NRG3: variants seen among roughly 807,000 people sequenced by gnomAD.
NRG3 encodes the protein neuregulin 3.
In NRG3, 31 loss-of-function variants were observed where a neutral mutation model predicts 66.9. The ratio of observed to expected loss-of-function variants is 0.46; its 90% confidence interval spans 0.35 to 0.63. NRG3 has a LOEUF of 0.63. Among genes scored for constraint, NRG3 ranks in the 20% least tolerant of loss-of-function variants. The pLI is 0.00. For synonymous variants in NRG3, 393 were observed against 359.4 expected (o/e 1.09, Z -1.06); for missense variants, 910 against 878.9 (o/e 1.04, Z -0.45).
At chr10:82,192,972 TGAGAGA>T (rs5786538) in intron 1 of NRG3, among the ~76,000 whole-genome samples, 14 of 139,764 alleles carry the variant, frequency 1.0e-4, no homozygotes, top group South Asian at 4.5e-4. Context: ...AGGAAGAAAG[TGAGAGA>T]GAGAGAGAGA....
At chr10:82,465,757 C>T (rs1840611544) in intron 2 of NRG3, among the ~76,000 whole-genome samples, 1 of 152,058 alleles carries the variant, frequency 6.6e-6, no homozygotes, top group African/African-American at 2.4e-5. Flanking sequence ...CTCACGTGAC[C>T]TCTGCTCTTC....
At chr10:82,847,518 G>T (rs577255480) in intron 3 of NRG3, among the ~76,000 whole-genome samples, 22 of 152,260 alleles carry the variant, frequency 1.4e-4, no homozygotes, top group African/African-American at 5.3e-4. Flanking sequence ...GTTACTGAAA[G>T]GTACAGTCTG....
chr10:82,492,691 A>C (rs1830920642), intron 2 of NRG3, among the ~76,000 whole-genome samples: 1 of 152,234 alleles, frequency 6.6e-6, no homozygotes, highest in Non-Finnish European at 1.5e-5. Flanking sequence ...ATTGCACCAA[A>C]TTGGGCAGAG....
At chr10:82,391,983 C>G (rs574759195) in intron 2 of NRG3, among the ~76,000 whole-genome samples, 2 of 113,730 alleles carry the variant, frequency 1.8e-5, no homozygotes, top group South Asian at 5.3e-4. Flanking sequence ...AATCCTCTTT[C>G]GAGCACATGC....
chr10:82,489,576 CACAA>C lies in NRG3; in HGVS notation c.953+130712_953+130715del, dbSNP rs1345927250. On this transcript the variant is annotated intron_variant, in intron 2 of 8. Transcript: ENST00000372141. ...GTACACCCTCAACCTAAGGTATTGT[CACAA>C]ACAGGGGGCTGGAGCCTGGATTCAT... Among the ~76,000 whole-genome samples the C allele has an allele frequency of 3.3e-5, 5 of 152,208 alleles. No individual in the cohort carries two copies. The East Asian group carries it at 9.7e-4, about 29-fold the overall frequency.
intron 1 of NRG3, among the ~76,000 whole-genome samples, chr10:82,029,338 G>A (rs960780921): frequency 6.6e-6 from 1 of 152,070 alleles, no homozygotes; most frequent in Non-Finnish European, 1.5e-5. Flanking sequence ...ACATAAATAT[G>A]CCAGTTTCCC....
chr10:82,396,915 C>G (rs2086751569), intron 2 of NRG3, among the ~76,000 whole-genome samples: 1 of 152,146 alleles, frequency 6.6e-6, no homozygotes, highest in Admixed American at 6.6e-5. Context: ...AATTTGCTAT[C>G]AACCCCTTAG....
intron 4 of NRG3, among the ~76,000 whole-genome samples, chr10:82,869,274 C>T (rs1206616023): frequency 6.6e-6 from 1 of 152,238 alleles, no homozygotes; most frequent in African/African-American, 2.4e-5. Flanking sequence ...AGATTTCTCA[C>T]GTATCTTCTG....
intron 1 of NRG3, among the ~76,000 whole-genome samples, chr10:82,038,404 T>A (rs1339156370): frequency 6.6e-6 from 1 of 152,124 alleles, no homozygotes; most frequent in African/African-American, 2.4e-5. Flanking sequence ...ATTGCAACCC[T>A]AAGATGGTCA....
chr10:82,536,573 G>A (rs79611671), intron 2 of NRG3, among the ~76,000 whole-genome samples: 2 of 152,066 alleles, frequency 1.3e-5, no homozygotes, highest in Non-Finnish European at 1.5e-5. Context: ...TTTACAAGTG[G>A]TTAAAACTTT....
intron 2 of NRG3, among the ~76,000 whole-genome samples, chr10:82,529,494 G>A (rs1847049596): frequency 6.6e-6 from 1 of 152,172 alleles, no homozygotes; most frequent in South Asian, 2.1e-4. Context: ...TTTATTGTAT[G>A]GAATAAATCT....
rs1168801703 is a variant in NRG3 at position 82,054,582 on chromosome 10, A to G, written c.823+178419A>G. Among the ~76,000 whole-genome samples the G allele has an allele frequency of 2.6e-5, 4 of 152,158 alleles. No individual in the cohort carries two copies. In the South Asian group the frequency reaches 6.2e-4, roughly 24 times the overall value. ...AGGCAGTTAGATATATGAATATGGT[A>G]TTGGCATGGGGAATGGAGGAATAGA... On this transcript the variant is annotated intron_variant, in intron 1 of 8. Transcript: ENST00000372141.
intron 2 of NRG3, among the ~76,000 whole-genome samples, chr10:82,438,729 G>T (rs888875471): frequency 6.6e-6 from 1 of 152,140 alleles, no homozygotes; most frequent in African/African-American, 2.4e-5. Context: ...CAGATTGCCC[G>T]GCTGAGTAGC....
At chr10:82,831,988 C>A (rs770379917) in intron 3 of NRG3, among the ~76,000 whole-genome samples, 5 of 152,022 alleles carry the variant, frequency 3.3e-5, no homozygotes, top group African/African-American at 4.8e-5. Context: ...CAGCAGTATA[C>A]AAGCTGTTTT....
rs1415972686 is a variant in NRG3 at position 82,723,987 on chromosome 10, AGTAAATAAAT to A, written c.954-14589_954-14580del. On this transcript the variant is annotated intron_variant, in intron 2 of 8. Coordinates refer to ENST00000372141, the MANE Select transcript of NRG3 (RefSeq NM_001010848.4). ...AGAGCGAGACTCCATCTCAAAAAAA[AGTAAATAAAT>A]AAAAAAAATTTAAAAAATAAAAGCA... Among the ~76,000 whole-genome samples the A allele has an allele frequency of 4.8e-3, 735 of 151,762 alleles. 10 individuals carry two copies. The highest frequency in any genetic ancestry group is 0.017 in the African/African-American group (711 of 41,172).
intron 1 of NRG3, chr10:81,889,707 CA>C: frequency 6.6e-6 from 1 of 152,290 alleles, no homozygotes; most frequent in East Asian, 1.9e-4. Flanking sequence ...CATCAGCTGA[CA>C]TATACAAGTG....
intron 8 of NRG3, among the ~76,000 whole-genome samples, chr10:82,984,528 G>A (rs1364775925): frequency 6.6e-6 from 1 of 152,178 alleles, no homozygotes; most frequent in Non-Finnish European, 1.5e-5. Flanking sequence ...AGAGCACAGT[G>A]CCAGTGGAAA....
chr10:82,491,293 A>AATATATATATATATATAT (rs10652539), intron 2 of NRG3, among the ~76,000 whole-genome samples: 3 of 82,186 alleles, frequency 3.7e-5, no homozygotes, highest in African/African-American at 1.1e-4. Context: ...GTTCCCATAA[A>AATATATATATATATATAT]ATATATATAT....
intron 3 of NRG3, among the ~76,000 whole-genome samples, chr10:82,850,662 G>A (rs1460769278): frequency 1.3e-5 from 2 of 150,110 alleles, no homozygotes; most frequent in Non-Finnish European, 3.0e-5. Context: ...TAAATATTTT[G>A]TTTAGTTGCC....
Sources: gnomAD v4.1 joint callset for allele counts (sites outside exome capture counted in the v4.1 genomes callset) on GRCh38, gnomAD v4.1.1 for gene constraint, MANE v1.5 for transcripts, NCBI Gene and HGNC (gene_info 2026-07-23, HGNC 2026-07-21) for gene names.